PAPSS1: variants seen among roughly 807,000 people sequenced by gnomAD.
PAPSS1 encodes bifunctional 3'-phosphoadenosine 5'-phosphosulfate synthase 1.
PAPSS1 carries 50 observed loss-of-function variants against 72.0 expected under a neutral mutation model. That is an observed-to-expected ratio of 0.69 (90% confidence interval 0.55 to 0.88). The LOEUF is 0.88. Among genes scored for constraint, PAPSS1 ranks in the 40% least tolerant of loss-of-function variants. The pLI is 0.00. For missense variants in PAPSS1, 657 were observed against 782.2 expected, an observed-to-expected ratio of 0.84 and a Z score of 1.91; for synonymous variants, 261 against 263.6, an observed-to-expected ratio of 0.99 and a Z score of 0.09.
At chr4:107,623,222 T>C (rs148758508) in intron 11 of PAPSS1, among the ~76,000 whole-genome samples, 1 of 152,368 alleles carries the variant, frequency 6.6e-6, no homozygotes, top group African/African-American at 2.4e-5. Context: ...TTGTAATCTA[T>C]ATCTGGTAAT....
chr4:107,705,229 C>T (rs1444147471), intron 1 of PAPSS1, among the ~76,000 whole-genome samples: 2 of 152,100 alleles, frequency 1.3e-5, no homozygotes, highest in East Asian at 1.9e-4. Context: ...GAGAAAAAAT[C>T]GTGATATGGT....
intron 5 of PAPSS1, among the ~76,000 whole-genome samples, chr4:107,681,603 A>G (rs1029988465): frequency 6.6e-6 from 1 of 152,148 alleles, no homozygotes; most frequent in Admixed American, 6.5e-5. Flanking sequence ...CCATAAGGAG[A>G]TCATCATGTT....
intron 5 of PAPSS1, among the ~76,000 whole-genome samples, chr4:107,672,279 C>T: frequency 6.6e-6 from 1 of 152,152 alleles, no homozygotes; most frequent in Non-Finnish European, 1.5e-5. Context: ...ATCGCCTCAC[C>T]CAGGAAGCGC....
chr4:107,654,964 C>A (rs1726961518), intron 7 of PAPSS1, 64 bp from the exon 8 acceptor site: 7 of 1,174,528 alleles, frequency 6.0e-6, no homozygotes, highest in South Asian at 1.3e-5. Context: ...TACTTAACAC[C>A]CACCTTTCAC....
intron 1 of PAPSS1, 187 bp downstream of exon 1, chr4:107,719,933 C>T: frequency 7.2e-7 from 1 of 1,381,598 alleles, no homozygotes; most frequent in Non-Finnish European, 9.3e-7. Flanking sequence ...GATCCCCACC[C>T]TGCGCCGCGC....
At chr4:107,640,856 C>T (rs983062572) in intron 10 of PAPSS1, among the ~76,000 whole-genome samples, 7 of 152,198 alleles carry the variant, frequency 4.6e-5, no homozygotes, top group Admixed American at 1.3e-4. Flanking sequence ...AATTCACACT[C>T]CAGACAGAGA....
At chr4:107,698,267 A>G (rs1232527472) in intron 2 of PAPSS1, among the ~76,000 whole-genome samples, 2 of 152,342 alleles carry the variant, frequency 1.3e-5, no homozygotes, top group East Asian at 3.9e-4. Context: ...AATTGCAAGA[A>G]AAAAACAAAT....
At chr4:107,678,634 G>A (rs1434912626) in intron 5 of PAPSS1, among the ~76,000 whole-genome samples, 1 of 152,142 alleles carries the variant, frequency 6.6e-6, no homozygotes, top group Non-Finnish European at 1.5e-5. Flanking sequence ...AAGGCTGAGT[G>A]TAGACTAGTG....
At chr4:107,680,005 A>T (rs1022136287) in intron 5 of PAPSS1, among the ~76,000 whole-genome samples, 20 of 152,194 alleles carry the variant, frequency 1.3e-4, no homozygotes, top group African/African-American at 4.6e-4. Flanking sequence ...CAAACATAAA[A>T]ATCAGAAATT....
At chr4:107,701,337 C>T (rs1402495197) in intron 1 of PAPSS1, 52 bp from the exon 2 acceptor site, 3 of 1,105,888 alleles carry the variant, frequency 2.7e-6, no homozygotes, top group Non-Finnish European at 2.7e-6. Context: ...CTTTAAAAGG[C>T]AAACACATAT....
chr4:107,681,950 G>T, intron 5 of PAPSS1, 65 bp downstream of exon 5: 1 of 784,032 alleles, frequency 1.3e-6, no homozygotes, highest in South Asian at 1.6e-5. Context: ...TTTTTTTTTG[G>T]AGGGGAAAGA....
intron 5 of PAPSS1, among the ~76,000 whole-genome samples, chr4:107,665,055 C>T (rs975219399): frequency 2.0e-5 from 3 of 152,138 alleles, no homozygotes; most frequent in Non-Finnish European, 2.9e-5. Flanking sequence ...CGAAAGGTTG[C>T]TACTGTTTTT....
At chr4:107,646,708 C>T (rs1390853097) in intron 9 of PAPSS1, among the ~76,000 whole-genome samples, 2 of 152,150 alleles carry the variant, frequency 1.3e-5, no homozygotes, top group Non-Finnish European at 2.9e-5. Context: ...AAGCCCCTCC[C>T]AACCCTGCTC....
At chr4:107,652,071 T>C (rs1726854421) in intron 9 of PAPSS1, among the ~76,000 whole-genome samples, 1 of 152,182 alleles carries the variant, frequency 6.6e-6, no homozygotes, top group Admixed American at 6.5e-5. Flanking sequence ...AGTTGTTCTG[T>C]AGTTGCTTGG....
Position 107,660,078 on chromosome 4 carries a change from TAAC to T in PAPSS1, c.670-9_670-7del. ...GCATCCACAGGTACAATATCCTATA[TAAC>T]AACAGGAGTACAATTTAAATGTTTG... On this transcript the variant is annotated splice_polypyrimidine_tract_variant and splice_region_variant and intron_variant, in intron 5 of 11. Transcript: ENST00000265174. 2.3e-6 allele frequency: 3 copies of T among 1,290,564 alleles called. No individual in the cohort carries two copies. The highest frequency in any genetic ancestry group is 3.3e-6 in the Non-Finnish European group (3 of 905,938). The allele number at this position is 1,290,564 out of a possible 1,614,324, so 79.9% of individuals were successfully genotyped here. A position where few individuals can be genotyped will look rare whatever the true frequency, so the allele number is the denominator to read the frequency against.
intron 5 of PAPSS1, among the ~76,000 whole-genome samples, chr4:107,681,311 A>G: frequency 6.6e-6 from 1 of 152,154 alleles, no homozygotes; most frequent in East Asian, 1.9e-4. Context: ...TCACTGACCC[A>G]AGACCTCCAC....
At chr4:107,678,320 A>G (rs1412377121) in intron 5 of PAPSS1, among the ~76,000 whole-genome samples, 1 of 152,226 alleles carries the variant, frequency 6.6e-6, no homozygotes, top group Non-Finnish European at 1.5e-5. Context: ...ACACAACAGC[A>G]ACAGAGTAAA....
chr4:107,640,976 G>T (rs373056715), intron 10 of PAPSS1, among the ~76,000 whole-genome samples: 193 of 152,200 alleles, frequency 1.3e-3, no homozygotes, highest in African/African-American at 4.4e-3. Flanking sequence ...AAATGCCAAA[G>T]CACAAAGCTA....
At chr4:107,667,809 A>T (rs553900495) in intron 5 of PAPSS1, among the ~76,000 whole-genome samples, 1 of 152,346 alleles carries the variant, frequency 6.6e-6, no homozygotes, top group South Asian at 2.1e-4. Flanking sequence ...GGTAAATTAG[A>T]TAACCTACAA....
Sources: gnomAD v4.1 joint callset for allele counts (sites outside exome capture counted in the v4.1 genomes callset) on GRCh38, gnomAD v4.1.1 for gene constraint, MANE v1.5 for transcripts, NCBI Gene and HGNC (gene_info 2026-07-23, HGNC 2026-07-21) for gene names.